The following PPP2R5E variants were observed in gnomAD, a reference collection of about 807,000 sequenced individuals.
The protein encoded by PPP2R5E is protein phosphatase 2 regulatory subunit B'epsilon, also known as serine/threonine-protein phosphatase 2A 56 kDa regulatory subunit epsilon isoform.
A neutral mutation model predicts 65.3 loss-of-function variants in PPP2R5E; 4 were observed. That is an observed-to-expected ratio of 0.06 (90% CI 0.03 to 0.14). PPP2R5E has a LOEUF of 0.14. Among genes scored for constraint, PPP2R5E ranks in the 10% least tolerant of loss-of-function variants. The probability of loss-of-function intolerance (pLI) is 1.00; values close to 1 mark genes in which losing one functional copy is unlikely to be tolerated. For synonymous variants in PPP2R5E, 183 were observed against 187.4 expected, an observed-to-expected ratio of 0.98 and a Z score of 0.19; for missense variants, 274 against 556.1, an observed-to-expected ratio of 0.49 and a Z score of 5.10.
chr14:63,439,361 T>TTTTTG (rs1888093611), intron 3 of PPP2R5E, among the ~76,000 whole-genome samples: 1 of 151,866 alleles, frequency 6.6e-6, no homozygotes, highest in Admixed American at 6.6e-5. Flanking sequence ...TCTGTTTTTT[T>TTTTTG]TTTTTGTTTT....
At position 63,489,954 on chromosome 14, in the gene PPP2R5E, A is replaced by G. The variant is rs557726068; in HGVS notation, c.158-36069T>C. 6.0e-4 allele frequency among the ~76,000 whole-genome samples: 91 copies of G among 152,176 alleles called. 1 individual carries two copies. The highest frequency in any genetic ancestry group is 1.2e-3 in the Non-Finnish European group (80 of 68,020). ...ATTACCTACAATGCTGAAACATGAT[A>G]TATTTTGAGTATCTTAAAAACAAGT... On this transcript the variant is annotated intron_variant, in intron 2 of 13. Coordinates refer to ENST00000337537, the MANE Select transcript of PPP2R5E (RefSeq NM_006246.5).
intron 2 of PPP2R5E, among the ~76,000 whole-genome samples, chr14:63,484,607 C>T (rs1398650512): frequency 1.3e-5 from 2 of 152,068 alleles, no homozygotes; most frequent in Non-Finnish European, 2.9e-5. Flanking sequence ...TTTGGAACCA[C>T]AAGAAACAAA....
intron 2 of PPP2R5E, among the ~76,000 whole-genome samples, chr14:63,504,008 T>A (rs1892037814): frequency 6.6e-6 from 1 of 152,146 alleles, no homozygotes; most frequent in Non-Finnish European, 1.5e-5. Context: ...AATACATCAC[T>A]TCATTATTCA....
chr14:63,395,400 GA>G, intron 6 of PPP2R5E, 115 bp from the exon 7 acceptor site: 2 of 427,462 alleles, frequency 4.7e-6, no homozygotes, highest in East Asian at 4.9e-5. Context: ...GGAGGAGGAG[GA>G]GGAGAGCGGG....
At chr14:63,452,384 G>A (rs1888895253) in intron 3 of PPP2R5E, 1 of 152,160 alleles carries the variant, frequency 6.6e-6, no homozygotes, top group African/African-American at 2.4e-5. Context: ...ATTCTTTATT[G>A]TGGGGGCCAC....
chr14:63,463,785 A>G (rs1412440401), intron 2 of PPP2R5E, among the ~76,000 whole-genome samples: 1 of 151,558 alleles, frequency 6.6e-6, no homozygotes, highest in Non-Finnish European at 1.5e-5. Context: ...TTTAGTAGAG[A>G]CGGGGTTTCA....
At chr14:63,511,863 G>A (rs982854483) in intron 2 of PPP2R5E, among the ~76,000 whole-genome samples, 4 of 151,980 alleles carry the variant, frequency 2.6e-5, no homozygotes, top group African/African-American at 9.7e-5. Context: ...TGGATCACAT[G>A]AGGTTAGGAG....
chr14:63,521,174 C>T (rs1437153022), intron 2 of PPP2R5E, among the ~76,000 whole-genome samples: 2 of 152,234 alleles, frequency 1.3e-5, no homozygotes, highest in Non-Finnish European at 2.9e-5. Context: ...GAACATCTCA[C>T]TAAACCAGTA....
rs545301452 is a variant in PPP2R5E at position 63,521,159 on chromosome 14, T to C, written c.157+18370A>G. Among the ~76,000 whole-genome samples, 6 of 152,302 alleles carry C rather than the reference T, an allele frequency of 3.9e-5. No homozygotes were observed. The South Asian group carries it at 1.2e-3, about 32-fold the overall frequency. ...CAAGAGTATCTAAAGCATATACCAT[T>C]TCTAGAACATCTCACTAAACCAGTA... is the stretch of plus-strand genomic sequence containing the variant. On this transcript the variant is annotated intron_variant, in intron 2 of 13. Transcript: ENST00000337537.
chr14:63,397,041 T>C (rs1423342413), intron 5 of PPP2R5E, among the ~76,000 whole-genome samples: 1 of 152,084 alleles, frequency 6.6e-6, no homozygotes, highest in East Asian at 1.9e-4. Context: ...GATAGTTTTG[T>C]CCCCCTTTTA....
At chr14:63,408,485 T>C (rs1401947388) in intron 5 of PPP2R5E, among the ~76,000 whole-genome samples, 1 of 152,242 alleles carries the variant, frequency 6.6e-6, no homozygotes, top group Non-Finnish European at 1.5e-5. Context: ...GGCGCTATTA[T>C]GTTCCATTCT....
At chr14:63,391,568 C>A (rs1202288428) in intron 10 of PPP2R5E, among the ~76,000 whole-genome samples, 1 of 152,196 alleles carries the variant, frequency 6.6e-6, no homozygotes, top group Non-Finnish European at 1.5e-5. Context: ...GGACTACAGG[C>A]ATGCGCCACC....
intron 5 of PPP2R5E, among the ~76,000 whole-genome samples, chr14:63,406,975 G>C (rs1031076335): frequency 3.9e-5 from 6 of 152,174 alleles, no homozygotes; most frequent in African/African-American, 1.4e-4. Context: ...AGAAAACAGA[G>C]CTTAAGAAAG....
In PPP2R5E at chr14:63,384,368, T is replaced by C. The variant is rs1884534946; in HGVS notation, c.1202+76A>G. On this transcript the variant is annotated intron_variant, in intron 12 of 13. Transcript: ENST00000337537. ...CGTCTTCAGCAACAAGGACAGCATC[T>C]GGCACATAATAAGGCTGAAGGGAAA... is the stretch of plus-strand genomic sequence containing the variant. The C allele has an allele frequency of 6.6e-6, 10 of 1,508,308 alleles. No homozygotes were observed. The South Asian group carries it at 8.0e-5, about 12-fold the overall frequency. 93.4% of individuals were successfully genotyped at this position (1,508,308 alleles called of 1,614,324 possible).
chr14:63,429,095 T>G (rs577304667), intron 3 of PPP2R5E, among the ~76,000 whole-genome samples: 1 of 152,180 alleles, frequency 6.6e-6, no homozygotes, highest in Non-Finnish European at 1.5e-5. Flanking sequence ...TTGTTAAGAT[T>G]TGAGGCTCTG....
At chr14:63,415,315 A>G (rs1483196055) in intron 4 of PPP2R5E, 83 bp from the exon 5 acceptor site, 1 of 910,096 alleles carries the variant, frequency 1.1e-6, no homozygotes, top group Non-Finnish European at 1.6e-6. Context: ...TGTAACACTA[A>G]AAGTGACAGG....
At chr14:63,448,276 G>A (rs1387774320) in intron 3 of PPP2R5E, among the ~76,000 whole-genome samples, 4 of 152,074 alleles carry the variant, frequency 2.6e-5, no homozygotes, top group Non-Finnish European at 2.9e-5. Context: ...CAGCCTGGGC[G>A]ACAGAGCGGG....
At chr14:63,500,694 C>A (rs745483109) in intron 2 of PPP2R5E, among the ~76,000 whole-genome samples, 6 of 151,930 alleles carry the variant, frequency 3.9e-5, no homozygotes, top group African/African-American at 1.2e-4. Context: ...GCAAGACTGC[C>A]GTCTCTACAA....
intron 3 of PPP2R5E, among the ~76,000 whole-genome samples, chr14:63,440,948 C>CAAAAAAAAAAAAAAA (rs374563795): frequency 1.5e-5 from 1 of 67,634 alleles, no homozygotes; most frequent in Non-Finnish European, 2.9e-5. Flanking sequence ...GACTCCATCT[C>CAAAAAAAAAAAAAAA]AAAAAAAAAA....
Sources: gnomAD v4.1 joint callset for allele counts (sites outside exome capture counted in the v4.1 genomes callset) on GRCh38, gnomAD v4.1.1 for gene constraint, MANE v1.5 for transcripts, NCBI Gene and HGNC (gene_info 2026-07-23, HGNC 2026-07-21) for gene names.